ST3GAL2: variants seen among roughly 807,000 people sequenced by gnomAD.
ST3GAL2 encodes ST3 beta-galactoside alpha-2,3-sialyltransferase 2.
A neutral mutation model predicts 37.5 loss-of-function variants in ST3GAL2; 16 were observed. The ratio of observed to expected loss-of-function variants is 0.43; its 90% CI spans 0.29 to 0.65. The LOEUF (loss-of-function observed/expected upper bound fraction) is 0.65, where lower values mean the gene tolerates loss of function less well. Among genes scored for constraint, ST3GAL2 ranks in the 30% least tolerant of loss-of-function variants. The probability of loss-of-function intolerance (pLI) is 0.17; values close to 1 mark genes in which losing one functional copy is unlikely to be tolerated. For synonymous variants in ST3GAL2, 238 were observed against 202.9 expected (o/e 1.17, Z -1.47); for missense variants, 383 against 487.8 (o/e 0.79, Z 2.02).
At chr16:70,394,084 G>A (rs567625680) in intron 3 of ST3GAL2, among the ~76,000 whole-genome samples, 5 of 152,290 alleles carry the variant, frequency 3.3e-5, no homozygotes, top group South Asian at 2.1e-4. Flanking sequence ...CGTTCAGGTC[G>A]TGAGCCTGCC....
At chr16:70,391,153 G>A (rs987043262) in intron 3 of ST3GAL2, among the ~76,000 whole-genome samples, 2 of 152,166 alleles carry the variant, frequency 1.3e-5, no homozygotes, top group African/African-American at 4.8e-5. Flanking sequence ...CTCAGGGACG[G>A]GACTGGGAAG....
intron 3 of ST3GAL2, among the ~76,000 whole-genome samples, chr16:70,393,449 C>T (rs2047495138): frequency 1.3e-5 from 2 of 152,222 alleles, no homozygotes; most frequent in Non-Finnish European, 2.9e-5. Context: ...CCTTTTGGAC[C>T]TGCAGGGCTT....
chr16:70,381,906 G>A (rs1210493392), intron 6 of ST3GAL2, 44 bp from the exon 7 acceptor site: 1 of 1,606,364 alleles, frequency 6.2e-7, no homozygotes, highest in Admixed American at 1.7e-5. Flanking sequence ...CGGGGACCTG[G>A]AGGATGGCGC....
chr16:70,398,567 C>G lies in ST3GAL2; in HGVS notation c.-37G>C. The G allele has an allele frequency of 1.3e-6, 2 of 1,534,944 alleles. No individual in the cohort carries two copies. Among genetic ancestry groups the G allele is most frequent in the South Asian group, 1.2e-5 (1 of 84,266 alleles). On this transcript the variant is annotated 5_prime_UTR_variant, in exon 2 of 7. Coordinates refer to ENST00000342907, the MANE Select transcript of ST3GAL2 (RefSeq NM_006927.4). ...GCGGGTGACGGTCACCGTGGCCACT[C>G]TTTTCCCAGCCCGCTGAGGGGCCAG... is the stretch of plus-strand genomic sequence containing the variant.
chr16:70,398,575 AGCCC>A lies in ST3GAL2; in HGVS notation c.-49_-46del. On this transcript the variant is annotated 5_prime_UTR_variant, in exon 2 of 7. The change abolishes the stop of an existing upstream ORF in the 5' untranslated region. Transcript: ENST00000342907. The stretch of plus-strand genomic sequence containing the variant: ...CGGTCACCGTGGCCACTCTTTTCCC[AGCCC>A]GCTGAGGGGCCAGCCACGGCGTAGC... The A allele has an allele frequency of 1.3e-6, 2 of 1,521,186 alleles. No homozygotes were observed. Among genetic ancestry groups the A allele is most frequent in the Non-Finnish European group, 1.8e-6 (2 of 1,134,030 alleles). The allele number at this position is 1,521,186 out of a possible 1,614,324, so 94.2% of individuals were successfully genotyped here. A position where few individuals can be genotyped will look rare whatever the true frequency, so the allele number is the denominator to read the frequency against.
rs372125323 is a variant in ST3GAL2, at chr16:70,395,236, G to T, written c.340-61C>A. The T allele has an allele frequency of 4.9e-5, 73 of 1,503,870 alleles. No homozygotes were observed. The East Asian group carries it at 8.0e-4, about 17-fold the overall frequency. The allele number at this position is 1,503,870 out of a possible 1,614,324, so 93.2% of individuals were successfully genotyped here. ...GGGAGAGGTGTGTGAAGAAGGAGGG[G>T]CCCCGGCCTCCCCTCCTCTGCCCTC... is the stretch of plus-strand genomic sequence containing the variant. On this transcript the variant is annotated intron_variant, in intron 2 of 6. Transcript: ENST00000342907.
At chr16:70,402,993 G>A (rs559239235) in intron 1 of ST3GAL2, among the ~76,000 whole-genome samples, 3 of 152,312 alleles carry the variant, frequency 2.0e-5, no homozygotes, top group South Asian at 2.1e-4. Flanking sequence ...GCACAAATAC[G>A]ATATATACTA....
Position 70,383,238 on chromosome 16 carries a change from G to A in ST3GAL2, c.714-3C>T. 6.2e-7 allele frequency: 1 copy of A among 1,601,996 alleles called. No individual in the cohort carries two copies. The highest frequency in any genetic ancestry group is 8.5e-7 in the Non-Finnish European group (1 of 1,177,048). On this transcript the variant is annotated splice_polypyrimidine_tract_variant and splice_region_variant and intron_variant, in intron 4 of 6. Coordinates refer to ENST00000342907, the MANE Select transcript of ST3GAL2 (RefSeq NM_006927.4). ...AGGACTTCACTGGGGCGTAGGTGCT[G>A]TAAGCAAAAAGAAAGAAAGATAACA...
At chr16:70,435,025 C>A (rs1178694977) in intron 1 of ST3GAL2, among the ~76,000 whole-genome samples, 4 of 152,218 alleles carry the variant, frequency 2.6e-5, no homozygotes, top group Admixed American at 2.6e-4. Flanking sequence ...ACTTGGCAGG[C>A]ACCCCAACCC....
intron 3 of ST3GAL2, among the ~76,000 whole-genome samples, chr16:70,392,272 GT>G (rs1206451290): frequency 6.6e-6 from 1 of 152,232 alleles, no homozygotes; most frequent in Non-Finnish European, 1.5e-5. Context: ...CAGGGACAAG[GT>G]TTTGTTTCAA....
chr16:70,429,448 C>G (rs906446740), intron 1 of ST3GAL2, among the ~76,000 whole-genome samples: 4 of 151,746 alleles, frequency 2.6e-5, no homozygotes, highest in African/African-American at 4.8e-5. Context: ...AAAAAATTAG[C>G]CGGGCGTAGT....
chr16:70,438,194 G>C (rs749935558), intron 1 of ST3GAL2, among the ~76,000 whole-genome samples: 9 of 152,226 alleles, frequency 5.9e-5, no homozygotes, highest in Admixed American at 5.9e-4. Context: ...GCCAACAGGA[G>C]CGGCAGGAAG....
chr16:70,412,470 C>T, intron 1 of ST3GAL2, among the ~76,000 whole-genome samples: 1 of 151,954 alleles, frequency 6.6e-6, no homozygotes, highest in East Asian at 1.9e-4. Context: ...ACGACAACAC[C>T]CTATCTCTAC....
At chr16:70,423,849 T>C (rs909665293) in intron 1 of ST3GAL2, among the ~76,000 whole-genome samples, 2 of 151,296 alleles carry the variant, frequency 1.3e-5, no homozygotes, top group African/African-American at 4.9e-5. Context: ...GGCGGGCAGA[T>C]CACGAGGTCA....
At chr16:70,393,274 C>A (rs750698712) in intron 3 of ST3GAL2, among the ~76,000 whole-genome samples, 10 of 152,078 alleles carry the variant, frequency 6.6e-5, no homozygotes, top group Non-Finnish European at 1.3e-4. Context: ...GACAGGGTTT[C>A]ACAATGTTGT....
intron 1 of ST3GAL2, among the ~76,000 whole-genome samples, chr16:70,421,943 T>G (rs138826331): frequency 0.012 from 1,844 of 152,310 alleles, 18 homozygotes; most frequent in Non-Finnish European, 0.017. Context: ...TTGTTATTGT[T>G]TGTTTTTGTA....
chr16:70,425,924 AC>A (rs1159474386), intron 1 of ST3GAL2, among the ~76,000 whole-genome samples: 1 of 152,176 alleles, frequency 6.6e-6, no homozygotes, highest in Admixed American at 6.5e-5. Flanking sequence ...AACTGCCCAG[AC>A]GTGCGGATGG....
chr16:70,397,035 TTTTC>T (rs1414857481), intron 2 of ST3GAL2, among the ~76,000 whole-genome samples: 3 of 90,078 alleles, frequency 3.3e-5, no homozygotes, highest in Non-Finnish European at 5.8e-5. Context: ...CACGGCTTTC[TTTTC>T]TTTCTTTTTT....
intron 1 of ST3GAL2, among the ~76,000 whole-genome samples, chr16:70,422,074 C>T (rs886443783): frequency 3.9e-5 from 6 of 152,180 alleles, no homozygotes; most frequent in African/African-American, 1.4e-4. Flanking sequence ...CCTGCACTAA[C>T]ATTTCACAGG....
Sources: allele counts gnomAD v4.1 joint callset (sites outside exome capture counted in the v4.1 genomes callset), GRCh38; gene constraint gnomAD v4.1.1; transcripts MANE v1.5; gene names NCBI Gene and HGNC (gene_info 2026-07-23, HGNC 2026-07-21).